Variants in DNAJC2 observed in about 807,000 individuals in gnomAD.
The protein encoded by DNAJC2 is DnaJ heat shock protein family (Hsp40) member C2, also known as dnaJ homolog subfamily C member 2.
Under a neutral mutation model 94.0 loss-of-function variants are expected in DNAJC2, and 32 were observed. The observed-to-expected ratio is 0.34, with a 90% CI of 0.26 to 0.46. The LOEUF (loss-of-function observed/expected upper bound fraction) is 0.46. Ranked by LOEUF, DNAJC2 falls within the 20% of genes least tolerant of loss-of-function variation. The pLI, the probability that DNAJC2 is intolerant of heterozygous loss-of-function variation, is 1.00. For synonymous variants in DNAJC2, 210 were observed against 229.7 expected, an observed-to-expected ratio of 0.91 and a Z score of 0.77; for missense variants, 550 against 719.5, an observed-to-expected ratio of 0.76 and a Z score of 2.69.
At chr7:103,313,494 T>C in intron 15 of DNAJC2, 5 of 985,112 alleles carry the variant, frequency 5.1e-6, no homozygotes, top group Non-Finnish European at 6.0e-6. Flanking sequence ...CCTTACAGAA[T>C]AGGTAAAAGA....
At chr7:103,322,443 G>A (rs1818473085) in intron 9 of DNAJC2, 68 bp downstream of exon 9, 1 of 1,338,628 alleles carries the variant, frequency 7.5e-7, no homozygotes, top group Non-Finnish European at 1.0e-6. Context: ...AAAAAGATGT[G>A]AAGATTAAAG....
chr7:103,324,686 C>A, intron 5 of DNAJC2, 124 bp from the exon 6 acceptor site: 1 of 949,982 alleles, frequency 1.1e-6, no homozygotes, highest in South Asian at 2.4e-5. Flanking sequence ...TCCCTACAAA[C>A]TCTACAACTC....
intron 1 of DNAJC2, chr7:103,344,107 G>C (rs1172255618): frequency 5.9e-6 from 1 of 168,750 alleles, no homozygotes; most frequent in Non-Finnish European, 1.3e-5. Flanking sequence ...CGGTGTCTGA[G>C]TTGTGACATT....
chr7:103,319,815 T>C lies in DNAJC2; in HGVS notation c.1113A>G (p.Ala371=), dbSNP rs1437095167. The change falls in exon 11 of 17, where the codon GCA becomes GCG. Residue 371 remains alanine, a synonymous_variant. Coordinates refer to ENST00000379263, the MANE Select transcript of DNAJC2 (RefSeq NM_014377.3). ...CTTCTTCCATCATTTTAACCCGCTC[T>C]GCCTCATTATCAGAAAAATGATTCC... is the stretch of plus-strand genomic sequence containing the variant. ...KTWNHFSDNE[A]ERVKMMEEVE... The C allele has an allele frequency of 6.2e-7, 1 of 1,614,206 alleles. No homozygotes were observed. The highest frequency in any genetic ancestry group is 1.3e-5 in the African/African-American group (1 of 75,064).
At chr7:103,336,916 T>C (rs1192890313) in intron 3 of DNAJC2, 2 of 152,238 alleles carry the variant, frequency 1.3e-5, no homozygotes, top group African/African-American at 4.8e-5. Context: ...CTAATAATTT[T>C]TACCACAGGC....
intron 2 of DNAJC2, among the ~76,000 whole-genome samples, chr7:103,339,164 G>C (rs1819288047): frequency 6.6e-6 from 1 of 152,094 alleles, no homozygotes; most frequent in Admixed American, 6.5e-5. Flanking sequence ...ACATGTTCTT[G>C]TTTACTTATT....
rs1482412004 is a variant in DNAJC2 at position 103,340,225 on chromosome 7, T to G, written c.255+1539A>C. ...TATTTCTTCAAATAACAAAGTGTCT[T>G]TTTCTTTGTTTTCTTTCTACTTCTG... On this transcript the variant is annotated intron_variant, in intron 2 of 16. Transcript: ENST00000379263. Among the ~76,000 whole-genome samples the G allele has an allele frequency of 3.9e-5, 6 of 152,344 alleles. No individual in the cohort carries two copies. The South Asian group carries it at 1.0e-3, about 26-fold the overall frequency.
rs1818270876 is a variant in DNAJC2 at position 103,319,612 on chromosome 7, T to G, written c.1239A>C (p.Lys413Asn). Reference sequence around the variant, plus strand: ...GAGTGATGTGTTCCTCTATTACCTGTTTTTCCAAAGCAGCCTTTCCTACTT... The same window carrying G: ...GAGTGATGTGTTCCTCTATTACCTGGTTTTCCAAAGCAGCCTTTCCTACTT... ...TKEVGKAALE[K>N]QIEEINEQIR... The change falls in exon 12 of 17, where the codon AAA becomes AAC. Residue 413 changes from lysine to asparagine, a missense_variant. Lys to Asn is a moderately conservative substitution (Grantham distance 94). This residue lies in a region of DNAJC2 where 271 missense variants were observed against 302.6 expected (regional missense o/e 0.90). Transcript: ENST00000379263. The G allele has an allele frequency of 6.2e-7, 1 of 1,613,940 alleles. No homozygotes were observed. The highest frequency in any genetic ancestry group is 1.3e-5 in the African/African-American group (1 of 74,888).
chr7:103,332,240 C>T (rs1819006737), intron 3 of DNAJC2, among the ~76,000 whole-genome samples: 1 of 152,166 alleles, frequency 6.6e-6, no homozygotes, highest in Non-Finnish European at 1.5e-5. Flanking sequence ...CTCCTGACCT[C>T]ATGATCCGCC....
intron 3 of DNAJC2, among the ~76,000 whole-genome samples, chr7:103,334,627 AAAG>A (rs1260855968): frequency 6.6e-6 from 1 of 151,850 alleles, no homozygotes; most frequent in Non-Finnish European, 1.5e-5. Flanking sequence ...TAAAAAAAAA[AAAG>A]AGAGACAAGG....
chr7:103,314,619 T>C (rs1586060439), intron 15 of DNAJC2: 1 of 985,400 alleles, frequency 1.0e-6, no homozygotes, highest in East Asian at 1.1e-4. Context: ...AGAAGTGTCT[T>C]TCAGGTGTTC....
chr7:103,316,746 T>C (rs1818081959), intron 13 of DNAJC2, 84 bp downstream of exon 13: 1 of 1,145,000 alleles, frequency 8.7e-7, no homozygotes, highest in Non-Finnish European at 1.3e-6. Context: ...GTTTCTGTGA[T>C]AACAAGTGCT....
At chr7:103,336,365 CAG>C (rs757591342) in intron 3 of DNAJC2, 2 of 152,116 alleles carry the variant, frequency 1.3e-5, no homozygotes, top group Non-Finnish European at 2.9e-5. Context: ...TTTTCGGAAA[CAG>C]AGTGTCGCTC....
Position 103,315,885 on chromosome 7 carries a change from AAAATT to A in DNAJC2, c.1529-19_1529-15del. The A allele has an allele frequency of 6.3e-7, 1 of 1,582,806 alleles. No homozygotes were observed. The highest frequency in any genetic ancestry group is 8.7e-7 in the Non-Finnish European group (1 of 1,154,688). On this transcript the variant is annotated splice_polypyrimidine_tract_variant and intron_variant, in intron 14 of 16. Coordinates refer to ENST00000379263, the MANE Select transcript of DNAJC2 (RefSeq NM_014377.3). ...TTTGATGAGGGTCTGAGAAATGAAA[AAAATT>A]TAATACTTAACAGATCATCATTTAA...
rs188998188 is a variant in DNAJC2, at chr7:103,316,622, A to G, written c.1427+208T>C. Reference sequence around the variant, plus strand: ...ATCTTCAATTTCCTGAGAAACAAGTATTCTGTCATATGTATATGTGCATGT... The same window carrying G: ...ATCTTCAATTTCCTGAGAAACAAGTGTTCTGTCATATGTATATGTGCATGT... On this transcript the variant is annotated intron_variant, in intron 13 of 16. Coordinates refer to ENST00000379263, the MANE Select transcript of DNAJC2 (RefSeq NM_014377.3). The G allele has an allele frequency of 7.1e-3, 3,635 of 508,542 alleles. 15 individuals carry two copies. The highest frequency in any genetic ancestry group is 9.4e-3 in the Non-Finnish European group (2,722 of 290,538). The allele number at this position is 508,542 out of a possible 1,614,324, so 31.5% of individuals were successfully genotyped here.
At position 103,336,705 on chromosome 7, in the gene DNAJC2, T is replaced by C. The variant is rs1000498409; in HGVS notation, c.331+1031A>G. On this transcript the variant is annotated intron_variant, in intron 3 of 16. Coordinates refer to ENST00000379263, the MANE Select transcript of DNAJC2 (RefSeq NM_014377.3). ...CACTTGTACGTGGCAAATGGACTTT[T>C]CTGGCATTTATTTATACTGGAATAA... 4 of 152,276 alleles carry C rather than the reference T, an allele frequency of 2.6e-5. No homozygotes were observed. In the South Asian group the frequency reaches 6.2e-4, roughly 24 times the overall value. The allele number at this position is 152,276 out of a possible 1,614,324, so 9.4% of individuals were successfully genotyped here.
At position 103,329,065 on chromosome 7, in the gene DNAJC2, T is replaced by C. The variant is rs113619836; in HGVS notation, c.332-1311A>G. ...ACAGTACGTCTAATTATTTAAAATT[T>C]GTGATTATCGCTGGTGGTCAACAAT... On this transcript the variant is annotated intron_variant, in intron 3 of 16. Transcript: ENST00000379263. 3.5e-5 allele frequency: 38 copies of C among 1,097,318 alleles called. No homozygotes were observed. In the African/African-American group the frequency reaches 4.7e-4, roughly 13 times the overall value. The allele number at this position is 1,097,318 out of a possible 1,614,324, so 68.0% of individuals were successfully genotyped here.
At chr7:103,339,169 CTTA>C (rs1402690821) in intron 2 of DNAJC2, among the ~76,000 whole-genome samples, 2 of 152,162 alleles carry the variant, frequency 1.3e-5, no homozygotes. Context: ...TTCTTGTTTA[CTTA>C]TTATGTCACT....
intron 3 of DNAJC2, among the ~76,000 whole-genome samples, chr7:103,330,992 T>G (rs1214772643): frequency 6.7e-6 from 1 of 149,904 alleles, no homozygotes; most frequent in Admixed American, 6.6e-5. Context: ...GGAGTCTCAC[T>G]CTGTTGGCCA....
Sources: allele counts gnomAD v4.1 joint callset (sites outside exome capture counted in the v4.1 genomes callset), GRCh38; gene constraint gnomAD v4.1.1; regional missense constraint gnomAD v4.1.1; transcripts MANE v1.5; gene names NCBI Gene and HGNC (gene_info 2026-07-23, HGNC 2026-07-21).